GAS7: variants seen among roughly 807,000 people sequenced by gnomAD.
The protein encoded by GAS7 is growth arrest-specific protein 7.
A neutral mutation model predicts 71.1 loss-of-function variants in GAS7; 28 were observed. That is an observed-to-expected ratio of 0.39 (90% CI 0.29 to 0.54). GAS7 has a LOEUF of 0.54. GAS7 is among the 20% of genes least tolerant of loss of function. GAS7 has a pLI of 0.62. For missense variants in GAS7, 436 were observed against 627.8 expected (o/e 0.69, Z 3.27); for synonymous variants, 258 against 245.8 (o/e 1.05, Z -0.46).
At chr17:10,142,274 A>G (rs74252942) in intron 1 of GAS7, among the ~76,000 whole-genome samples, 10,270 of 152,224 alleles carry the variant, frequency 0.067, 665 homozygotes, top group East Asian at 0.3. Flanking sequence ...CAGAACTAAA[A>G]GCAGATTGTA....
intron 1 of GAS7, among the ~76,000 whole-genome samples, chr17:10,091,029 G>A (rs1298811352): frequency 1.3e-5 from 2 of 151,998 alleles, no homozygotes; most frequent in African/African-American, 2.4e-5. Context: ...CCTTCTCACC[G>A]CCTCTCTCCT....
Position 9,911,956 on chromosome 17 carries a change from C to T in GAS7, c.*5272G>A, listed in dbSNP as rs1392297260. On this transcript the variant is annotated 3_prime_UTR_variant, in exon 14 of 14. Coordinates refer to ENST00000432992, the MANE Select transcript of GAS7 (RefSeq NM_201433.2). The surrounding 1 kb of genome is among the most constrained non-coding windows in gnomAD (Gnocchi z 4.0). ...TGGTCCTGTCCCTGCCACCATGTACCACCATCCAGTGGGGTGCAGGTACAG... is the reference window on the plus strand; with the variant it reads ...TGGTCCTGTCCCTGCCACCATGTACTACCATCCAGTGGGGTGCAGGTACAG... 2.6e-5 allele frequency: 6 copies of T among 232,288 alleles called. No individual in the cohort carries two copies. The East Asian group carries it at 3.6e-4, about 14-fold the overall frequency. The allele number at this position is 232,288 out of a possible 1,614,324, so 14.4% of individuals were successfully genotyped here. A position where few individuals can be genotyped will look rare whatever the true frequency, so the allele number is the denominator to read the frequency against.
At chr17:9,980,816 C>G (rs2070384305) in intron 3 of GAS7, among the ~76,000 whole-genome samples, 1 of 152,156 alleles carries the variant, frequency 6.6e-6, no homozygotes, top group Admixed American at 6.5e-5. Flanking sequence ...TCTAAAGTGA[C>G]TGCATGAGGG....
At chr17:10,068,764 TA>T (rs1352603556) in intron 1 of GAS7, among the ~76,000 whole-genome samples, 3 of 151,806 alleles carry the variant, frequency 2.0e-5, no homozygotes. Flanking sequence ...ATCCTGTCTC[TA>T]TTTTTTTTTT....
chr17:10,033,652 G>A (rs770505509), intron 1 of GAS7, among the ~76,000 whole-genome samples: 21 of 152,134 alleles, frequency 1.4e-4, no homozygotes, highest in African/African-American at 2.2e-4. Flanking sequence ...TGGCTTCCTC[G>A]GGGAATTAGT....
intron 1 of GAS7, among the ~76,000 whole-genome samples, chr17:10,167,304 G>A (rs928609045): frequency 1.4e-4 from 21 of 151,988 alleles, no homozygotes; most frequent in African/African-American, 3.9e-4. Flanking sequence ...TGATCCATCC[G>A]CCTCCCAGAG....
At chr17:9,963,051 A>G (rs2069562476) in intron 4 of GAS7, among the ~76,000 whole-genome samples, 1 of 151,106 alleles carries the variant, frequency 6.6e-6, no homozygotes, top group Non-Finnish European at 1.5e-5. Flanking sequence ...AAAAAAAAAA[A>G]AAGAAAAAAA....
At chr17:10,101,385 G>A (rs1597792268) in intron 1 of GAS7, among the ~76,000 whole-genome samples, 1 of 152,258 alleles carries the variant, frequency 6.6e-6, no homozygotes, top group African/African-American at 2.4e-5. Context: ...AAGCATGGCG[G>A]AAGCCACGGC....
intron 1 of GAS7, among the ~76,000 whole-genome samples, chr17:10,109,004 A>C (rs56382550): frequency 0.2 from 31,033 of 152,196 alleles, 4,054 homozygotes; most frequent in Non-Finnish European, 0.3. Context: ...TTTACAAAGC[A>C]AAGGAAACAG....
chr17:10,130,341 A>C (rs1179735629), intron 1 of GAS7, among the ~76,000 whole-genome samples: 4 of 151,936 alleles, frequency 2.6e-5, no homozygotes, highest in Non-Finnish European at 4.4e-5. Context: ...AAAAAAAAAA[A>C]AAAAAAACGT....
intron 12 of GAS7, among the ~76,000 whole-genome samples, chr17:9,918,911 G>A (rs985259172): frequency 2.0e-5 from 3 of 152,118 alleles, no homozygotes; most frequent in Non-Finnish European, 4.4e-5. Flanking sequence ...CACTGTCCCT[G>A]GTGGAGGCCT....
intron 1 of GAS7, among the ~76,000 whole-genome samples, chr17:10,180,944 G>A (rs185553832): frequency 4.0e-5 from 6 of 151,598 alleles, no homozygotes. Context: ...AAAGATCAGA[G>A]ACCCAATCCT....
At chr17:9,948,448 G>A (rs2068875390) in intron 5 of GAS7, among the ~76,000 whole-genome samples, 1 of 152,236 alleles carries the variant, frequency 6.6e-6, no homozygotes, top group Non-Finnish European at 1.5e-5. Context: ...ACTTTGGGAG[G>A]CCGAGGCAGG....
chr17:9,998,737 C>T (rs1319487143), intron 2 of GAS7, among the ~76,000 whole-genome samples: 2 of 135,088 alleles, frequency 1.5e-5, no homozygotes, highest in African/African-American at 6.7e-5. Flanking sequence ...TAGCATCAGA[C>T]ATCACCAGGT....
rs756632296 is a variant in GAS7 at position 9,916,717 on chromosome 17, G to A, written c.*511C>T. ...AGATGTGGACTCCCAGAATGCAATG[G>A]GAAAAAAATAAAGAAGGAGGGCTGC... On this transcript the variant is annotated 3_prime_UTR_variant, in exon 14 of 14. Transcript: ENST00000432992. 20 of 381,722 alleles carry A rather than the reference G, an allele frequency of 5.2e-5. No individual in the cohort carries two copies. The highest frequency in any genetic ancestry group is 1.4e-4 in the South Asian group (1 of 6,946). 23.6% of individuals were successfully genotyped at this position (381,722 alleles called of 1,614,324 possible).
At chr17:9,925,663 C>A (rs370007908) in intron 10 of GAS7, 64 bp from the exon 11 acceptor site, 1 of 1,585,716 alleles carries the variant, frequency 6.3e-7, no homozygotes, top group Non-Finnish European at 8.6e-7. Flanking sequence ...TCCTGGGCCA[C>A]GCAGCCCAGC....
At chr17:10,015,161 AAAG>A (rs548232009) in intron 2 of GAS7, among the ~76,000 whole-genome samples, 1,297 of 102,334 alleles carry the variant, frequency 0.013, 18 homozygotes, top group African/African-American at 0.081. Flanking sequence ...CTCAAAAAAA[AAAG>A]AAAAGAAAAG....
chr17:10,098,726 G>A (rs2073668955), intron 1 of GAS7, among the ~76,000 whole-genome samples: 1 of 152,222 alleles, frequency 6.6e-6, no homozygotes, highest in Non-Finnish European at 1.5e-5. Flanking sequence ...TTGGGAGGCT[G>A]AGATGGGCGG....
chr17:9,976,514 T>A (rs1176161921), intron 3 of GAS7, among the ~76,000 whole-genome samples: 1 of 152,174 alleles, frequency 6.6e-6, no homozygotes, highest in Admixed American at 6.5e-5. Flanking sequence ...AGGCTCTGGG[T>A]TCAGGAGCCC....
Sources: gnomAD v4.1 joint callset for allele counts (sites outside exome capture counted in the v4.1 genomes callset) on GRCh38, gnomAD v4.1.1 for gene constraint, Gnocchi (gnomAD v3.1) non-coding constraint, MANE v1.5 for transcripts, NCBI Gene and HGNC (gene_info 2026-07-23, HGNC 2026-07-21) for gene names.